Variants in PLCL2 observed in about 807,000 individuals in gnomAD.
The protein encoded by PLCL2 is phospholipase C like 2.
In PLCL2, 4 loss-of-function variants were observed where a neutral mutation model predicts 79.6. The ratio of observed to expected loss-of-function variants is 0.05; its 90% CI spans 0.02 to 0.11. The LOEUF (loss-of-function observed/expected upper bound fraction) is 0.11, where lower values mean the gene tolerates loss of function less well. Ranked by LOEUF, PLCL2 falls within the 10% of genes least tolerant of loss-of-function variation. PLCL2 has a pLI of 1.00. For missense variants in PLCL2, 895 were observed against 1,291.0 expected, an observed-to-expected ratio of 0.69 and a Z score of 4.70; for synonymous variants, 484 against 457.7, an observed-to-expected ratio of 1.06 and a Z score of -0.73.
chr3:17,047,767 CTTAA>C (rs770029404), intron 4 of PLCL2, among the ~76,000 whole-genome samples: 10 of 152,252 alleles, frequency 6.6e-5, no homozygotes, highest in Non-Finnish European at 1.5e-4. Flanking sequence ...TTGGAGGCCC[CTTAA>C]CCTGCACACA....
chr3:17,064,222 A>G (rs2064985248), intron 4 of PLCL2, among the ~76,000 whole-genome samples: 1 of 152,190 alleles, frequency 6.6e-6, no homozygotes, highest in Non-Finnish European at 1.5e-5. Flanking sequence ...TTTAGTTCCA[A>G]GAGAACAATG....
At chr3:16,898,909 T>C (rs904068187) in intron 1 of PLCL2, among the ~76,000 whole-genome samples, 3 of 151,088 alleles carry the variant, frequency 2.0e-5, no homozygotes, top group Non-Finnish European at 4.4e-5. Flanking sequence ...CCCAGCCAGC[T>C]GTGGCAGGGG....
In PLCL2 at chr3:17,089,876, C is replaced by T; in HGVS notation, c.3348C>T (p.Val1116=). The change falls in exon 6 of 6, where the codon GTC becomes GTT. Residue 1116 remains valine, a synonymous_variant. Transcript: ENST00000615277. ...DVQKPRRSLE[V]IPEKANDETG... is the part of the protein sequence containing the mutation. ...AGAAGCCACGCCGGAGCTTGGAAGT[C>T]ATACCCGAAAAAGCAAACGATGAAA... is the stretch of plus-strand genomic sequence containing the variant. 4.3e-6 allele frequency: 7 copies of T among 1,613,252 alleles called. No homozygotes were observed. The highest frequency in any genetic ancestry group is 5.1e-6 in the Non-Finnish European group (6 of 1,179,762).
chr3:17,068,684 C>G (rs2065033053), intron 5 of PLCL2, among the ~76,000 whole-genome samples: 1 of 151,950 alleles, frequency 6.6e-6, no homozygotes, highest in African/African-American at 2.4e-5. Context: ...GTCAAAAGAG[C>G]AATAATCAAA....
intron 5 of PLCL2, among the ~76,000 whole-genome samples, chr3:17,071,185 C>G (rs1304132086): frequency 6.6e-6 from 1 of 152,142 alleles, no homozygotes; most frequent in Non-Finnish European, 1.5e-5. Context: ...GCAAGACATT[C>G]AGTGCTAAAA....
intron 1 of PLCL2, among the ~76,000 whole-genome samples, chr3:16,946,950 A>ATTATTTTTT: frequency 1.3e-5 from 1 of 77,004 alleles, no homozygotes; most frequent in African/African-American, 5.7e-5. Context: ...TTAAAGTTTC[A>ATTATTTTTT]TTCTTTTTTT....
chr3:17,070,350 C>T, intron 5 of PLCL2, among the ~76,000 whole-genome samples: 1 of 152,120 alleles, frequency 6.6e-6, no homozygotes, highest in East Asian at 1.9e-4. Flanking sequence ...AAGCAGTGTG[C>T]CATATTTTAG....
chr3:17,018,802 G>T (rs2064413784), intron 3 of PLCL2, among the ~76,000 whole-genome samples: 1 of 152,144 alleles, frequency 6.6e-6, no homozygotes, highest in Admixed American at 6.5e-5. Flanking sequence ...TTTTGGTGAT[G>T]AATTCAACAC....
At chr3:17,057,721 G>C (rs956398397) in intron 4 of PLCL2, among the ~76,000 whole-genome samples, 2 of 152,154 alleles carry the variant, frequency 1.3e-5, no homozygotes, top group African/African-American at 4.8e-5. Flanking sequence ...CCCATCACTT[G>C]TTGTCTGTGT....
chr3:16,926,177 C>G (rs1400332768), intron 1 of PLCL2, among the ~76,000 whole-genome samples: 5 of 152,212 alleles, frequency 3.3e-5, no homozygotes, highest in Admixed American at 1.3e-4. Context: ...AAGTCTTTTG[C>G]TGATTCTTCA....
At chr3:16,916,519 A>G (rs1380484252) in intron 1 of PLCL2, among the ~76,000 whole-genome samples, 2 of 152,224 alleles carry the variant, frequency 1.3e-5, no homozygotes, top group South Asian at 2.1e-4. Flanking sequence ...TGAGTTCAAT[A>G]TTGCCAAAAC....
intron 1 of PLCL2, among the ~76,000 whole-genome samples, chr3:16,926,676 C>G (rs1297438540): frequency 6.6e-6 from 1 of 151,468 alleles, no homozygotes; most frequent in Non-Finnish European, 1.5e-5. Context: ...CTGTCTCCCA[C>G]GCTGGAGTGC....
rs765385386 is a variant in PLCL2, at chr3:17,010,859, A to C, written c.1513A>C (p.Lys505Gln). 1 of 1,614,010 alleles carries C rather than the reference A, an allele frequency of 6.2e-7. No individual in the cohort carries two copies. The highest frequency in any genetic ancestry group is 1.7e-5 in the Admixed American group (1 of 60,008). ...VFRSVIDIIN[K>Q]YAFFASEYPL... ...CCGCAGTGTCATTGATATTATTAACAAGTATGCATTCTTTGCTTCAGAGTA... is the reference window on the plus strand; with the variant it reads ...CCGCAGTGTCATTGATATTATTAACCAGTATGCATTCTTTGCTTCAGAGTA... The change falls in exon 2 of 6, where the codon AAG becomes CAG. Residue 505 changes from lysine to glutamine, a missense_variant. Physicochemically the swap from Lys to Gln is moderately conservative, Grantham distance 53. Coordinates refer to ENST00000615277, the MANE Select transcript of PLCL2 (RefSeq NM_001144382.2). The surrounding 1 kb of genome is among the most constrained non-coding windows in gnomAD (Gnocchi z 5.8).
At chr3:16,952,058 C>CAAAT (rs2063658693) in intron 1 of PLCL2, among the ~76,000 whole-genome samples, 1 of 151,820 alleles carries the variant, frequency 6.6e-6, no homozygotes, top group East Asian at 1.9e-4. Flanking sequence ...TGAGGACTTA[C>CAAAT]AAATATATCA....
chr3:17,002,375 T>A (rs549801295), intron 1 of PLCL2, among the ~76,000 whole-genome samples: 2 of 152,266 alleles, frequency 1.3e-5, no homozygotes, highest in South Asian at 4.1e-4. Flanking sequence ...GCCTAATTAC[T>A]CTGGCTAGGA....
intron 3 of PLCL2, among the ~76,000 whole-genome samples, chr3:17,038,854 C>G (rs912867018): frequency 6.6e-6 from 1 of 152,116 alleles, no homozygotes; most frequent in Non-Finnish European, 1.5e-5. Context: ...GCAGTTGCCA[C>G]TCATGTGTCA....
chr3:16,903,063 T>G (rs568869086), intron 1 of PLCL2, among the ~76,000 whole-genome samples: 1 of 152,066 alleles, frequency 6.6e-6, no homozygotes, highest in Non-Finnish European at 1.5e-5. Context: ...GTAGGAAAGG[T>G]CTTATAAGTT....
chr3:16,954,622 A>G (rs1168178928), intron 1 of PLCL2, among the ~76,000 whole-genome samples: 1 of 152,052 alleles, frequency 6.6e-6, no homozygotes. Flanking sequence ...ACAATGGTTG[A>G]ACTAGTTTAC....
intron 4 of PLCL2, among the ~76,000 whole-genome samples, chr3:17,054,621 A>T (rs1180701448): frequency 3.3e-5 from 5 of 151,970 alleles, no homozygotes; most frequent in Non-Finnish European, 7.4e-5. Flanking sequence ...AAACAACCAG[A>T]TCTCTTGAGA....
Sources: allele counts gnomAD v4.1 joint callset (sites outside exome capture counted in the v4.1 genomes callset), GRCh38; gene constraint gnomAD v4.1.1; non-coding constraint Gnocchi (gnomAD v3.1); transcripts MANE v1.5; gene names NCBI Gene and HGNC (gene_info 2026-07-23, HGNC 2026-07-21).